The following KLRG1 variants were observed in gnomAD, a reference collection of about 807,000 sequenced individuals.
KLRG1 encodes killer cell lectin-like receptor subfamily G member 1.
Under a neutral mutation model 21.8 loss-of-function variants are expected in KLRG1, and 16 were observed. The ratio of observed to expected loss-of-function variants is 0.73; its 90% CI spans 0.50 to 1.11. The LOEUF (loss-of-function observed/expected upper bound fraction) is 1.11. KLRG1 is among the 50% of genes most tolerant of loss of function. KLRG1 has a pLI of 0.00. For synonymous variants in KLRG1, 69 were observed against 75.9 expected (o/e 0.91, Z 0.47); for missense variants, 173 against 218.3 (o/e 0.79, Z 1.31).
chr12:9,146,295 T>A, the KLRG1 span, among the ~76,000 whole-genome samples: 10 of 151,926 alleles, frequency 6.6e-5, no homozygotes, highest in African/African-American at 2.4e-4. Flanking sequence ...TTCTGCTTTA[T>A]CTAGTTTGCT....
the KLRG1 span, chr12:9,160,360 C>T: frequency 6.2e-7 from 1 of 1,614,176 alleles, no homozygotes; most frequent in Admixed American, 1.7e-5. Flanking sequence ...CCTGCGTCAG[C>T]TGCTGGGTTT....
At chr12:9,079,611 G>C in the KLRG1 span, 1 of 1,598,808 alleles carries the variant, frequency 6.3e-7, no homozygotes, top group Non-Finnish European at 8.5e-7. Flanking sequence ...TAACATTCAA[G>C]TTTTCCCTTA....
the KLRG1 span, among the ~76,000 whole-genome samples, chr12:9,045,769 A>G: frequency 2.0e-5 from 3 of 152,224 alleles, no homozygotes; most frequent in Non-Finnish European, 4.4e-5. Context: ...TATTCACAAT[A>G]GCAAAGACAT....
the KLRG1 span, chr12:9,080,179 T>A: frequency 6.4e-7 from 1 of 1,568,528 alleles, no homozygotes; most frequent in Non-Finnish European, 8.7e-7. Flanking sequence ...CCTCACCACC[T>A]AGAGAAATAA....
chr12:9,081,531 T>C, the KLRG1 span, among the ~76,000 whole-genome samples: 1 of 152,192 alleles, frequency 6.6e-6, no homozygotes, highest in Admixed American at 6.5e-5. Flanking sequence ...AAAATCTATT[T>C]TGAAAACCCC....
At chr12:9,195,438 C>A in the KLRG1 span, among the ~76,000 whole-genome samples, 1 of 149,392 alleles carries the variant, frequency 6.7e-6, no homozygotes, top group African/African-American at 2.5e-5. Context: ...TTTCCTTTTC[C>A]TTCCCCTTTC....
the KLRG1 span, among the ~76,000 whole-genome samples, chr12:9,120,852 CGTGTGTGT>C: frequency 4.2e-5 from 6 of 143,408 alleles, no homozygotes; most frequent in East Asian, 8.3e-4. Flanking sequence ...ATCCCACTAA[CGTGTGTGT>C]GTGTGTGTGT....
chr12:9,098,818 G>A, the KLRG1 span: 88 of 1,561,494 alleles, frequency 5.6e-5, 1 homozygote, highest in South Asian at 7.7e-4. Flanking sequence ...GCATTCACTC[G>A]CATTTGCAGA....
the KLRG1 span, chr12:9,076,737 A>G: frequency 3.1e-6 from 5 of 1,613,592 alleles, no homozygotes; most frequent in Non-Finnish European, 4.2e-6. Context: ...CAGGAGAAGG[A>G]TCTCAGGTGT....
chr12:8,978,640 T>TTTTCTTTCTTTCTTTC lies in KLRG1; in HGVS notation c.-155-13530_-155-13515dup, dbSNP rs202186076. 3.1e-3 allele frequency among the ~76,000 whole-genome samples: 335 copies of TTTTCTTTCTTTCTTTC among 107,894 alleles called. 1 individual carries two copies. The highest frequency in any genetic ancestry group is 4.6e-3 in the African/African-American group (153 of 33,328). The allele number at this position is 107,894 out of a possible 152,430, so 70.8% of individuals were successfully genotyped here. ...CAGTCTTTCTTTTTCTTTTTCTTTC[T>TTTTCTTTCTTTCTTTC]TTTCTTTCTTTCTTTCTTTCTTTCT... On this transcript the variant is annotated intron_variant, in intron 1 of 4. Transcript: ENST00000539240.
the KLRG1 span, among the ~76,000 whole-genome samples, chr12:9,038,321 C>T: frequency 6.6e-6 from 1 of 152,124 alleles, no homozygotes; most frequent in African/African-American, 2.4e-5. Context: ...GAAGGGCAGG[C>T]TGGGACTCTC....
chr12:9,197,391 TATA>T, the KLRG1 span, among the ~76,000 whole-genome samples: 2 of 140,870 alleles, frequency 1.4e-5, no homozygotes, highest in Non-Finnish European at 3.0e-5. Flanking sequence ...TATATAATAT[TATA>T]ATTATTATAT....
the KLRG1 span, among the ~76,000 whole-genome samples, chr12:9,086,040 C>T: frequency 6.6e-6 from 1 of 152,084 alleles, no homozygotes; most frequent in African/African-American, 2.4e-5. Flanking sequence ...TAACTGTTGG[C>T]TTCACTGCTA....
chr12:9,185,790 A>ATTTCTTTTCTTTTCTTTTAT, the KLRG1 span, among the ~76,000 whole-genome samples: 1 of 134,266 alleles, frequency 7.4e-6, no homozygotes, highest in Admixed American at 7.8e-5. Flanking sequence ...TATGTTCAAC[A>ATTTCTTTTCTTTTCTTTTAT]TTTCTTTTCT....
chr12:9,204,734 T>G, the KLRG1 span, among the ~76,000 whole-genome samples: 2 of 152,166 alleles, frequency 1.3e-5, no homozygotes, highest in African/African-American at 4.8e-5. Flanking sequence ...TATTAGTATG[T>G]CCATGTTTAT....
At chr12:9,161,685 A>G in the KLRG1 span, among the ~76,000 whole-genome samples, 1 of 152,232 alleles carries the variant, frequency 6.6e-6, no homozygotes, top group African/African-American at 2.4e-5. Context: ...AATAGATAAC[A>G]TGAATATACC....
At chr12:9,070,370 A>C in the KLRG1 span, 37 of 712,648 alleles carry the variant, frequency 5.2e-5, no homozygotes, top group South Asian at 6.8e-4. Flanking sequence ...AGCTGGAAAA[A>C]GGATAAGGCT....
At chr12:9,203,537 T>C in the KLRG1 span, among the ~76,000 whole-genome samples, 1 of 152,028 alleles carries the variant, frequency 6.6e-6, no homozygotes, top group Non-Finnish European at 1.5e-5. Context: ...GAGACGGGGT[T>C]TCATCTTGTT....
At chr12:9,189,016 A>C in the KLRG1 span, among the ~76,000 whole-genome samples, 1 of 152,324 alleles carries the variant, frequency 6.6e-6, no homozygotes, top group East Asian at 1.9e-4. Context: ...CAAATGGAAA[A>C]AATATTCCAT....
Sources: allele counts gnomAD v4.1 joint callset (sites outside exome capture counted in the v4.1 genomes callset), GRCh38; gene constraint gnomAD v4.1.1; transcripts MANE v1.5; gene names NCBI Gene and HGNC (gene_info 2026-07-23, HGNC 2026-07-21).